The following DOCK8 variants were observed in gnomAD, a reference collection of about 807,000 sequenced individuals.
DOCK8 encodes dedicator of cytokinesis protein 8.
In DOCK8, 141 loss-of-function variants were observed where a neutral mutation model predicts 245.6. That is an observed-to-expected ratio of 0.57 (90% confidence interval 0.50 to 0.66). DOCK8 has a LOEUF of 0.66. Ranked by LOEUF, DOCK8 falls within the 30% of genes least tolerant of loss-of-function variation. DOCK8 has a pLI of 0.00. For missense variants in DOCK8, 2,965 were observed against 2,603.4 expected (o/e 1.14, Z -3.02); for synonymous variants, 1,168 against 970.2 (o/e 1.20, Z -3.79).
At chr9:439,052 A>G (rs1390442227) in intron 39 of DOCK8, among the ~76,000 whole-genome samples, 193 bp from the exon 40 acceptor site, 1 of 152,194 alleles carries the variant, frequency 6.6e-6, no homozygotes, top group Non-Finnish European at 1.5e-5. Context: ...AGGTTTGAAG[A>G]CCAGTTGCTC....
intron 1 of DOCK8, among the ~76,000 whole-genome samples, chr9:258,034 C>G (rs2047822248): frequency 6.6e-6 from 1 of 152,206 alleles, no homozygotes; most frequent in Non-Finnish European, 1.5e-5. Flanking sequence ...AGTTGTCCCC[C>G]ACAGGTTGAA....
At chr9:374,453 G>GTTTTTTTT (rs762085208) in intron 18 of DOCK8, among the ~76,000 whole-genome samples, 3 of 75,348 alleles carry the variant, frequency 4.0e-5, no homozygotes, top group African/African-American at 5.5e-5. Flanking sequence ...GTCCTTTTGT[G>GTTTTTTTT]TTTTTTTTTT....
intron 1 of DOCK8, among the ~76,000 whole-genome samples, chr9:253,498 A>G (rs1587668356): frequency 6.6e-6 from 1 of 152,224 alleles, no homozygotes; most frequent in Admixed American, 6.5e-5. Context: ...GTTAGGCTTA[A>G]GCAGTCCCTT....
chr9:260,334 C>T (rs1483341620), intron 1 of DOCK8, among the ~76,000 whole-genome samples: 2 of 152,124 alleles, frequency 1.3e-5, no homozygotes, highest in African/African-American at 2.4e-5. Context: ...ACTTCCTGCC[C>T]ATAAAGTTAA....
chr9:437,374 C>G (rs77349472), intron 39 of DOCK8, among the ~76,000 whole-genome samples: 1 of 152,170 alleles, frequency 6.6e-6, no homozygotes, highest in African/African-American at 2.4e-5. Context: ...AGAGATGCCT[C>G]CTTTCTAGCA....
intron 18 of DOCK8, among the ~76,000 whole-genome samples, chr9:374,527 T>TTA (rs2053441343): frequency 1.4e-5 from 2 of 140,038 alleles, no homozygotes; most frequent in African/African-American, 5.2e-5. Flanking sequence ...AGTGGCGTGA[T>TTA]CACAGCTCAC....
intron 36 of DOCK8, among the ~76,000 whole-genome samples, chr9:430,913 A>G (rs1226642356): frequency 2.0e-5 from 3 of 152,064 alleles, no homozygotes; most frequent in African/African-American, 4.8e-5. Context: ...TCTGTCACCC[A>G]GGCTGGAGTG....
At chr9:284,814 T>C (rs1042150729) in intron 2 of DOCK8, among the ~76,000 whole-genome samples, 6 of 152,174 alleles carry the variant, frequency 3.9e-5, no homozygotes, top group African/African-American at 1.4e-4. Context: ...AACTGGAGGC[T>C]ATTATCCTTT....
intron 24 of DOCK8, among the ~76,000 whole-genome samples, chr9:392,278 CAAAT>C (rs2054235986): frequency 6.6e-6 from 1 of 151,864 alleles, no homozygotes; most frequent in Non-Finnish European, 1.5e-5. Flanking sequence ...GCAAAGGAAA[CAAAT>C]GAACCATCCA....
chr9:318,931 G>T (rs1022978292), intron 7 of DOCK8, among the ~76,000 whole-genome samples: 8 of 152,202 alleles, frequency 5.3e-5, no homozygotes, highest in African/African-American at 1.9e-4. Flanking sequence ...GACCTCTCCA[G>T]TGAATGAGAG....
intron 24 of DOCK8, among the ~76,000 whole-genome samples, chr9:396,185 C>T (rs949282084): frequency 6.6e-6 from 1 of 152,072 alleles, no homozygotes; most frequent in Non-Finnish European, 1.5e-5. Context: ...GTTCTGTTTC[C>T]AGCTGGCCAA....
In DOCK8 at chr9:340,230, G is replaced by C. The variant is rs373187839; in HGVS notation, c.1588G>C (p.Val530Leu). 2 of 1,613,926 alleles carry C rather than the reference G, an allele frequency of 1.2e-6. No individual in the cohort carries two copies. The highest frequency in any genetic ancestry group is 1.3e-5 in the African/African-American group (1 of 74,884). The change falls in exon 14 of 48, where the codon GTG becomes CTG. Residue 530 changes from valine (V) to leucine (L), a missense_variant. Val to Leu is a conservative substitution (Grantham distance 32). Around this residue, in one of 3 missense-constraint regions of DOCK8, gnomAD observed 2,825 missense variants for 2,453.5 expected, o/e 1.15. Transcript: ENST00000432829. Reference sequence around the variant, plus strand: ...CTGTCTGACTCCTGAAATGCTGCCCGTGAAACCCTTTCCTGAAAACCGGAC... The same window carrying C: ...CTGTCTGACTCCTGAAATGCTGCCCCTGAAACCCTTTCCTGAAAACCGGAC... ...NCCLTPEMLPVKPFPENRTRP... is the reference protein window; with the variant it reads ...NCCLTPEMLPLKPFPENRTRP...
intron 4 of DOCK8, among the ~76,000 whole-genome samples, chr9:291,424 G>GT (rs935485034): frequency 6.6e-6 from 1 of 152,012 alleles, no homozygotes; most frequent in Non-Finnish European, 1.5e-5. Context: ...ATAGTGTTGG[G>GT]TTTTTTTGGT....
chr9:458,674 G>T (rs1455573713), intron 46 of DOCK8, among the ~76,000 whole-genome samples: 4 of 152,086 alleles, frequency 2.6e-5, no homozygotes, highest in Non-Finnish European at 1.5e-5. Context: ...TTAACCGGGT[G>T]TAGTGGCGTG....
At chr9:359,848 A>G (rs959526058) in intron 14 of DOCK8, among the ~76,000 whole-genome samples, 1 of 151,998 alleles carries the variant, frequency 6.6e-6, no homozygotes, top group African/African-American at 2.4e-5. Context: ...ATTTTAAAAC[A>G]CAAATGAAGA....
chr9:421,034 G>A lies in DOCK8; in HGVS notation c.4109G>A (p.Arg1370His), dbSNP rs753480025. The stretch of plus-strand genomic sequence containing the variant: ...GCCCGGCTGGAAGAGGCTTTGCTCC[G>A]TGGGGAAGGGGCCAGAGGGGAGATG... ...VKARLEEALL[R>H]GEGARGEMMR... The change falls in exon 32 of 48, where the codon CGT (arginine) becomes CAT (histidine). Residue 1370 changes from arginine to histidine, a missense_variant. Around this residue, in one of 3 missense-constraint regions of DOCK8, gnomAD observed 2,825 missense variants for 2,453.5 expected, o/e 1.15. Coordinates refer to ENST00000432829, the MANE Select transcript of DOCK8 (RefSeq NM_203447.4). The A allele has an allele frequency of 1.9e-5, 30 of 1,614,068 alleles. No individual in the cohort carries two copies. The highest frequency in any genetic ancestry group is 4.4e-5 in the South Asian group (4 of 91,094).
At chr9:283,637 A>T (rs73374581) in intron 2 of DOCK8, among the ~76,000 whole-genome samples, 6,072 of 152,250 alleles carry the variant, frequency 0.04, 268 homozygotes, top group African/African-American at 0.11. Flanking sequence ...AAATGAAAAC[A>T]TGTGATATCT....
chr9:400,977 T>TCCAC (rs2055037471), intron 26 of DOCK8, among the ~76,000 whole-genome samples: 1 of 65,816 alleles, frequency 1.5e-5, no homozygotes, highest in Non-Finnish European at 2.7e-5. Context: ...TCCTCCACCA[T>TCCAC]CACCACCTCC....
chr9:385,278 G>A (rs899827240), intron 22 of DOCK8, among the ~76,000 whole-genome samples: 2 of 152,182 alleles, frequency 1.3e-5, no homozygotes, highest in Admixed American at 6.5e-5. Flanking sequence ...CGAGTCGTTC[G>A]TGTTTAGTTA....
Sources: gnomAD v4.1 joint callset for allele counts (sites outside exome capture counted in the v4.1 genomes callset) on GRCh38, gnomAD v4.1.1 for gene constraint, gnomAD v4.1.1 regional missense constraint, MANE v1.5 for transcripts, NCBI Gene and HGNC (gene_info 2026-07-23, HGNC 2026-07-21) for gene names.